The following BRINP3 variants were observed in gnomAD, a reference collection of about 807,000 sequenced individuals.
BRINP3 encodes BMP/retinoic acid-inducible neural-specific protein 3.
BRINP3 carries 19 observed loss-of-function variants against 71.0 expected under a neutral mutation model. The ratio of observed to expected loss-of-function variants is 0.27; its 90% CI spans 0.19 to 0.39. BRINP3 has a LOEUF of 0.39. Among genes scored for constraint, BRINP3 ranks in the 10% least tolerant of loss-of-function variants. The pLI, the probability that BRINP3 is intolerant of heterozygous loss-of-function variation, is 1.00. For synonymous variants in BRINP3, 380 were observed against 337.7 expected (o/e 1.13, Z -1.37); for missense variants, 959 against 940.8 (o/e 1.02, Z -0.25).
chr1:190,472,928 G>A (rs953078427), intron 1 of BRINP3, among the ~76,000 whole-genome samples: 1 of 151,472 alleles, frequency 6.6e-6, no homozygotes, highest in Non-Finnish European at 1.5e-5. Flanking sequence ...AAGATGTATT[G>A]TAGTTTATGA....
intron 2 of BRINP3, among the ~76,000 whole-genome samples, chr1:190,325,132 A>G (rs1003093605): frequency 1.3e-5 from 2 of 152,000 alleles, no homozygotes; most frequent in African/African-American, 4.8e-5. Flanking sequence ...TGATACCCAG[A>G]AAAAAAGCTT....
intron 1 of BRINP3, among the ~76,000 whole-genome samples, chr1:190,457,280 A>G (rs1015691387): frequency 6.6e-6 from 1 of 152,048 alleles, no homozygotes; most frequent in Non-Finnish European, 1.5e-5. Context: ...TTTCTCTACT[A>G]AAAATATACA....
At position 190,360,860 on chromosome 1, in the gene BRINP3, C is replaced by T. The variant is rs141310634; in HGVS notation, c.237-79110G>A. Among the ~76,000 whole-genome samples the T allele has an allele frequency of 2.4e-3, 359 of 152,004 alleles. 1 individual carries two copies. Among genetic ancestry groups the T allele is most frequent in the African/African-American group, 8.3e-3 (343 of 41,476 alleles). On this transcript the variant is annotated intron_variant, in intron 2 of 7. Transcript: ENST00000367462. ...CTAGAGAAAGATACAAGGAAGAAAA[C>T]AAATCATTATAATTTAATGTGGCAA... is the stretch of plus-strand genomic sequence containing the variant.
At chr1:190,235,392 T>G (rs536013936) in intron 4 of BRINP3, among the ~76,000 whole-genome samples, 119 of 152,152 alleles carry the variant, frequency 7.8e-4, no homozygotes, top group South Asian at 1.5e-3. Flanking sequence ...AGCAGAGCAG[T>G]ATTGTCAGAA....
intron 2 of BRINP3, among the ~76,000 whole-genome samples, chr1:190,386,154 G>A (rs1399108216): frequency 1.6e-4 from 23 of 147,430 alleles, no homozygotes; most frequent in Admixed American, 1.4e-4. Flanking sequence ...TGGTTGCAGC[G>A]CACCAGCATG....
chr1:190,143,702 A>T, intron 7 of BRINP3, among the ~76,000 whole-genome samples: 1 of 152,050 alleles, frequency 6.6e-6, no homozygotes, highest in East Asian at 1.9e-4. Context: ...AATGGTATCA[A>T]CTCTTACACT....
At chr1:190,254,196 A>AGT (rs1660428350) in intron 4 of BRINP3, among the ~76,000 whole-genome samples, 1 of 152,098 alleles carries the variant, frequency 6.6e-6, no homozygotes, top group Admixed American at 6.5e-5. Context: ...GAAGTCAGGT[A>AGT]GTGTGATGCC....
chr1:190,256,354 C>G (rs1660660879), intron 4 of BRINP3, among the ~76,000 whole-genome samples: 1 of 152,086 alleles, frequency 6.6e-6, no homozygotes, highest in African/African-American at 2.4e-5. Context: ...AGATCTTCCT[C>G]CATCCCTTTA....
At chr1:190,110,265 C>A (rs1652550402) in intron 7 of BRINP3, among the ~76,000 whole-genome samples, 1 of 152,084 alleles carries the variant, frequency 6.6e-6, no homozygotes, top group African/African-American at 2.4e-5. Context: ...TGAGGTAGAA[C>A]TCATGCTCTC....
intron 6 of BRINP3, among the ~76,000 whole-genome samples, chr1:190,185,301 A>G (rs1012776360): frequency 1.3e-5 from 2 of 152,140 alleles, no homozygotes; most frequent in African/African-American, 4.8e-5. Context: ...ACTCGAATAG[A>G]TATTTCTCCA....
At chr1:190,371,493 G>T (rs968191961) in intron 2 of BRINP3, among the ~76,000 whole-genome samples, 5 of 152,046 alleles carry the variant, frequency 3.3e-5, no homozygotes, top group Non-Finnish European at 5.9e-5. Context: ...TATATTTGTA[G>T]GTTTCTTTCT....
intron 2 of BRINP3, among the ~76,000 whole-genome samples, chr1:190,299,670 G>A (rs567853589): frequency 1.1e-3 from 155 of 145,888 alleles, no homozygotes; most frequent in Non-Finnish European, 1.9e-3. Flanking sequence ...ACCTATGAGT[G>A]AGAATATGCC....
At chr1:190,289,417 T>C (rs1663684576) in intron 2 of BRINP3, among the ~76,000 whole-genome samples, 1 of 151,992 alleles carries the variant, frequency 6.6e-6, no homozygotes, top group East Asian at 1.9e-4. Flanking sequence ...CTCTTAATTT[T>C]ATGTCTTTCA....
intron 4 of BRINP3, among the ~76,000 whole-genome samples, chr1:190,246,318 C>A (rs115542188): frequency 6.6e-6 from 1 of 151,828 alleles, no homozygotes; most frequent in African/African-American, 2.4e-5. Context: ...CTTCATGGTA[C>A]CTCTGGGACT....
At chr1:190,470,041 A>G (rs1190102574) in intron 1 of BRINP3, among the ~76,000 whole-genome samples, 1 of 151,092 alleles carries the variant, frequency 6.6e-6, no homozygotes, top group Admixed American at 6.6e-5. Context: ...ATAACATTGT[A>G]GTTATATACT....
intron 2 of BRINP3, among the ~76,000 whole-genome samples, chr1:190,428,839 C>A (rs1055745073): frequency 6.6e-6 from 1 of 151,966 alleles, no homozygotes; most frequent in African/African-American, 2.4e-5. Context: ...GCATATTAAA[C>A]TTATTGCAAT....
intron 6 of BRINP3, among the ~76,000 whole-genome samples, chr1:190,199,007 C>G (rs1379214966): frequency 7.4e-6 from 1 of 134,282 alleles, no homozygotes; most frequent in Non-Finnish European, 1.6e-5. Context: ...TTGATGGATT[C>G]ACAGTTCCAC....
chr1:190,455,561 A>ATG (rs1408993583), intron 1 of BRINP3, among the ~76,000 whole-genome samples: 4 of 152,138 alleles, frequency 2.6e-5, no homozygotes, highest in South Asian at 4.1e-4. Flanking sequence ...ACATGAACAG[A>ATG]TGTGTGTGTG....
At chr1:190,366,068 G>A (rs1474012476) in intron 2 of BRINP3, among the ~76,000 whole-genome samples, 2 of 151,616 alleles carry the variant, frequency 1.3e-5, no homozygotes, top group African/African-American at 2.4e-5. Flanking sequence ...AACTTAGAAA[G>A]GTAAGATGAG....
Sources: allele counts gnomAD v4.1 joint callset (sites outside exome capture counted in the v4.1 genomes callset), GRCh38; gene constraint gnomAD v4.1.1; transcripts MANE v1.5; gene names NCBI Gene and HGNC (gene_info 2026-07-23, HGNC 2026-07-21).